Variants in CACNA2D1 observed in about 807,000 individuals in gnomAD.
The protein encoded by CACNA2D1 is voltage-dependent calcium channel subunit alpha-2/delta-1.
Under a neutral mutation model 171.5 loss-of-function variants are expected in CACNA2D1, and 53 were observed. The observed-to-expected ratio is 0.31, with a 90% CI of 0.25 to 0.39. CACNA2D1 has a LOEUF of 0.39. Among genes scored for constraint, CACNA2D1 ranks in the 10% least tolerant of loss-of-function variants. The probability of loss-of-function intolerance (pLI) is 1.00; values close to 1 mark genes in which losing one functional copy is unlikely to be tolerated. For synonymous variants in CACNA2D1, 442 were observed against 443.1 expected (o/e 1.00, Z 0.03); for missense variants, 903 against 1,299.8 (o/e 0.69, Z 4.69).
chr7:82,171,654 T>A (rs1456477697), intron 3 of CACNA2D1, among the ~76,000 whole-genome samples: 1 of 152,030 alleles, frequency 6.6e-6, no homozygotes, highest in Non-Finnish European at 1.5e-5. Flanking sequence ...CTTCAAAGAG[T>A]AATGGTTCTG....
intron 4 of CACNA2D1, among the ~76,000 whole-genome samples, chr7:82,157,158 T>C (rs987517774): frequency 6.6e-6 from 1 of 152,104 alleles, no homozygotes; most frequent in African/African-American, 2.4e-5. Flanking sequence ...TGTCATGCTG[T>C]TTTTACTGTG....
chr7:82,422,207 ATAAT>A (rs1471636517), intron 1 of CACNA2D1, among the ~76,000 whole-genome samples: 2 of 152,190 alleles, frequency 1.3e-5, no homozygotes, highest in Non-Finnish European at 2.9e-5. Flanking sequence ...TCTTACTGCA[ATAAT>A]TAACTATAAT....
chr7:82,268,605 A>G (rs999483241), intron 3 of CACNA2D1, among the ~76,000 whole-genome samples: 1 of 152,036 alleles, frequency 6.6e-6, no homozygotes, highest in Non-Finnish European at 1.5e-5. Context: ...TGTGTGGACC[A>G]TGGTTGGGAA....
chr7:82,342,986 T>A (rs1209818236), intron 2 of CACNA2D1: 1 of 152,180 alleles, frequency 6.6e-6, no homozygotes, highest in Non-Finnish European at 1.5e-5. Flanking sequence ...AGAATCTGAA[T>A]TATAAATTTG....
intron 1 of CACNA2D1, among the ~76,000 whole-genome samples, chr7:82,400,897 A>G (rs561047097): frequency 0.047 from 7,131 of 152,176 alleles, 184 homozygotes; most frequent in Middle Eastern, 0.065. Flanking sequence ...TGGGTGAAGG[A>G]CATGAACAGA....
At chr7:82,425,635 G>A (rs977103327) in intron 1 of CACNA2D1, among the ~76,000 whole-genome samples, 3 of 150,230 alleles carry the variant, frequency 2.0e-5, no homozygotes, top group African/African-American at 7.4e-5. Flanking sequence ...CCAACGTTCA[G>A]GCTCAAGTGA....
At chr7:82,105,430 A>C (rs1235679057) in intron 6 of CACNA2D1, among the ~76,000 whole-genome samples, 1 of 83,550 alleles carries the variant, frequency 1.2e-5, no homozygotes, top group Non-Finnish European at 2.4e-5. Context: ...TTTAGCTTTG[A>C]GGTGGAGCTG....
chr7:82,022,132 G>A (rs769897539), intron 12 of CACNA2D1, among the ~76,000 whole-genome samples: 1 of 151,686 alleles, frequency 6.6e-6, no homozygotes, highest in Non-Finnish European at 1.5e-5. Context: ...CTGAAGATGT[G>A]CCTGGTAAAA....
Position 81,948,450 on chromosome 7 carries a change from C to G in CACNA2D1, c.*1942G>C, listed in dbSNP as rs559226289. 3 of 148,594 alleles carry G rather than the reference C, an allele frequency of 2.0e-5. No individual in the cohort carries two copies. In the South Asian group the frequency reaches 6.5e-4, roughly 32 times the overall value. 9.2% of individuals were successfully genotyped at this position (148,594 alleles called of 1,614,324 possible). A position where few individuals can be genotyped will look rare whatever the true frequency, so the allele number is the denominator to read the frequency against. On this transcript the variant is annotated 3_prime_UTR_variant, in exon 39 of 39. Coordinates refer to ENST00000356860, the MANE Select transcript of CACNA2D1 (RefSeq NM_000722.4). ...GTTGGCAAAGTGATTCCATTTCCCCCCACCTTTTTATTGAAAAAAAAAATC... is the reference window on the plus strand; with the variant it reads ...GTTGGCAAAGTGATTCCATTTCCCCGCACCTTTTTATTGAAAAAAAAAATC...
chr7:81,996,252 C>T (rs1343642339), intron 19 of CACNA2D1, among the ~76,000 whole-genome samples: 1 of 152,156 alleles, frequency 6.6e-6, no homozygotes, highest in Non-Finnish European at 1.5e-5. Flanking sequence ...AGACACCAAG[C>T]TTGTCCCCAT....
At chr7:82,185,803 A>C (rs1797677120) in intron 3 of CACNA2D1, among the ~76,000 whole-genome samples, 1 of 152,042 alleles carries the variant, frequency 6.6e-6, no homozygotes, top group Non-Finnish European at 1.5e-5. Flanking sequence ...ATCTCCATGC[A>C]TTCAAGAAAC....
chr7:82,265,818 C>G (rs982786080), intron 3 of CACNA2D1, among the ~76,000 whole-genome samples: 3 of 152,068 alleles, frequency 2.0e-5, no homozygotes, highest in South Asian at 2.1e-4. Flanking sequence ...TTTCCTCCCC[C>G]CTTATCCAGG....
intron 1 of CACNA2D1, among the ~76,000 whole-genome samples, chr7:82,426,580 G>C (rs1829212498): frequency 6.6e-6 from 1 of 152,138 alleles, no homozygotes; most frequent in Non-Finnish European, 1.5e-5. Flanking sequence ...GGAAAAAAAA[G>C]TGCCATTCTA....
intron 3 of CACNA2D1, among the ~76,000 whole-genome samples, chr7:82,312,253 T>C (rs74692673): frequency 0.023 from 3,531 of 152,252 alleles, 127 homozygotes; most frequent in East Asian, 0.095. Flanking sequence ...TTGTTTGATT[T>C]TGAGATTTTA....
chr7:81,966,204 ATACT>A (rs1266705548), intron 31 of CACNA2D1, among the ~76,000 whole-genome samples: 1 of 151,048 alleles, frequency 6.6e-6, no homozygotes, highest in Non-Finnish European at 1.5e-5. Flanking sequence ...TCCATGGTTA[ATACT>A]TACTTCACCC....
Position 82,083,544 on chromosome 7 carries a change from T to C in CACNA2D1, c.658+1225A>G, listed in dbSNP as rs1584682868. ...AAGGTTCTACTAAAGTGAACAATAT[T>C]CCATAAAGGGAAAATTCCACTATTA... On this transcript the variant is annotated intron_variant, in intron 7 of 38. Coordinates refer to ENST00000356860, the MANE Select transcript of CACNA2D1 (RefSeq NM_000722.4). 1.3e-5 allele frequency among the ~76,000 whole-genome samples: 2 copies of C among 152,020 alleles called. 1 individual carries two copies. Among genetic ancestry groups the C allele is most frequent in the East Asian group, 3.8e-4 (2 of 5,200 alleles).
intron 8 of CACNA2D1, 32 bp downstream of exon 8, chr7:82,066,423 T>A (rs1807613451): frequency 6.2e-7 from 1 of 1,610,342 alleles, no homozygotes; most frequent in African/African-American, 1.3e-5. Flanking sequence ...CTTGCCTATT[T>A]TATCTTTTCA....
intron 2 of CACNA2D1, among the ~76,000 whole-genome samples, chr7:82,345,681 AGTGTGTGTGTGTGTGT>A (rs3054696): frequency 3.4e-5 from 5 of 146,350 alleles, no homozygotes; most frequent in African/African-American, 7.5e-5. Flanking sequence ...TAGCTAAAGG[AGTGTGTGTGTGTGTGT>A]GTGTGTGTGT....
chr7:82,337,632 C>T (rs780222347), intron 2 of CACNA2D1, among the ~76,000 whole-genome samples: 2 of 152,040 alleles, frequency 1.3e-5, no homozygotes, highest in African/African-American at 4.8e-5. Context: ...ATTTCTTTCT[C>T]GAAGGAAAAA....
Sources: allele counts gnomAD v4.1 joint callset (sites outside exome capture counted in the v4.1 genomes callset), GRCh38; gene constraint gnomAD v4.1.1; transcripts MANE v1.5; gene names NCBI Gene and HGNC (gene_info 2026-07-23, HGNC 2026-07-21).